The following PIP5K1B variants were observed in gnomAD, a reference collection of about 807,000 sequenced individuals.
PIP5K1B encodes the protein phosphatidylinositol-4-phosphate 5-kinase type 1 beta, also known as phosphatidylinositol 4-phosphate 5-kinase type-1 beta.
A neutral mutation model predicts 67.0 loss-of-function variants in PIP5K1B; 42 were observed. The ratio of observed to expected loss-of-function variants is 0.63; its 90% CI spans 0.49 to 0.81. PIP5K1B has a LOEUF of 0.81. PIP5K1B is among the 30% of genes least tolerant of loss of function. The pLI is 0.00. For missense variants in PIP5K1B, 459 were observed against 646.3 expected (o/e 0.71, Z 3.14); for synonymous variants, 214 against 231.4 (o/e 0.92, Z 0.68).
intron 6 of PIP5K1B, among the ~76,000 whole-genome samples, chr9:68,880,255 T>G (rs974039232): frequency 6.6e-6 from 1 of 152,142 alleles, no homozygotes; most frequent in African/African-American, 2.4e-5. Flanking sequence ...TAAATATAAC[T>G]TAAAAGGTAG....
At chr9:68,790,775 A>G (rs1347241756) in intron 2 of PIP5K1B, among the ~76,000 whole-genome samples, 1 of 152,234 alleles carries the variant, frequency 6.6e-6, no homozygotes, top group African/African-American at 2.4e-5. Context: ...ATACCTATGT[A>G]GGTACTATAT....
intron 4 of PIP5K1B, among the ~76,000 whole-genome samples, chr9:68,823,615 C>T (rs1237946918): frequency 1.3e-5 from 2 of 152,202 alleles, no homozygotes; most frequent in African/African-American, 2.4e-5. Flanking sequence ...AATGTTCAAA[C>T]ACGTTACTGG....
Position 68,933,294 on chromosome 9 carries a change from A to C in PIP5K1B, c.1202-1596A>C, listed in dbSNP as rs186710326. On this transcript the variant is annotated intron_variant, in intron 12 of 15. Coordinates refer to ENST00000265382, the MANE Select transcript of PIP5K1B (RefSeq NM_003558.4). Reference sequence around the variant, plus strand: ...CCCAGAACTTAAAGAAAAATAAAATAAAATAAAATAAATAAAAGTTAGCAG... The same window carrying C: ...CCCAGAACTTAAAGAAAAATAAAATCAAATAAAATAAATAAAAGTTAGCAG... Among the ~76,000 whole-genome samples the C allele has an allele frequency of 2.9e-3, 441 of 151,796 alleles. 1 individual carries two copies. The highest frequency in any genetic ancestry group is 0.01 in the African/African-American group (422 of 41,470).
At chr9:68,709,147 G>C (rs763988674) in intron 1 of PIP5K1B, among the ~76,000 whole-genome samples, 9 of 152,206 alleles carry the variant, frequency 5.9e-5, no homozygotes, top group Non-Finnish European at 8.8e-5. Flanking sequence ...ATCATTATTA[G>C]AGAGTTAGTA....
chr9:68,894,447 C>T lies in PIP5K1B; in HGVS notation c.580C>T (p.Arg194Cys), dbSNP rs368631411. Residue 194 changes from arginine to cysteine, a missense_variant, in exon 8 of 16, where the codon CGC becomes TGC. Coordinates refer to ENST00000265382, the MANE Select transcript of PIP5K1B (RefSeq NM_003558.4). Reference protein sequence around the residue: ...RIVVMNNVLPRSMRMHFTYDL... With the variant: ...RIVVMNNVLPCSMRMHFTYDL... ...TGTGGTGATGAACAACGTTTTGCCA[C>T]GCTCCATGAGAATGCACTTTACATA... 23 of 1,613,854 alleles carry T rather than the reference C, an allele frequency of 1.4e-5. No individual in the cohort carries two copies. Among genetic ancestry groups the T allele is most frequent in the African/African-American group, 2.7e-5 (2 of 74,882 alleles).
chr9:68,747,589 A>C (rs1170142895), intron 2 of PIP5K1B, among the ~76,000 whole-genome samples: 1 of 152,050 alleles, frequency 6.6e-6, no homozygotes, highest in Non-Finnish European at 1.5e-5. Flanking sequence ...TTGGAGGTAA[A>C]ATTTTTATTC....
intron 15 of PIP5K1B, among the ~76,000 whole-genome samples, chr9:69,006,419 G>A (rs928390533): frequency 5.9e-5 from 9 of 151,962 alleles, no homozygotes; most frequent in African/African-American, 2.2e-4. Context: ...ACAACTCTAC[G>A]CCCTTCACAC....
At chr9:68,883,561 C>G (rs1824305120) in intron 6 of PIP5K1B, among the ~76,000 whole-genome samples, 1 of 152,104 alleles carries the variant, frequency 6.6e-6, no homozygotes, top group African/African-American at 2.4e-5. Context: ...TAGAAGCTAC[C>G]TTTTAATCAT....
At chr9:68,996,489 GT>G (rs941336633) in intron 15 of PIP5K1B, among the ~76,000 whole-genome samples, 1 of 152,178 alleles carries the variant, frequency 6.6e-6, no homozygotes, top group African/African-American at 2.4e-5. Flanking sequence ...TGAATTTTGA[GT>G]TGATGACACA....
intron 4 of PIP5K1B, among the ~76,000 whole-genome samples, chr9:68,831,562 T>G (rs1473965167): frequency 6.6e-6 from 1 of 152,218 alleles, no homozygotes; most frequent in Non-Finnish European, 1.5e-5. Flanking sequence ...TGCTGTGGTG[T>G]CTGGAGGGCA....
intron 6 of PIP5K1B, 115 bp from the exon 7 acceptor site, chr9:68,888,866 G>A (rs193185068): frequency 9.8e-5 from 67 of 685,210 alleles, no homozygotes; most frequent in East Asian, 7.9e-4. Flanking sequence ...TTTAAAGCCC[G>A]TAGAGAGGCT....
At chr9:68,911,954 G>A (rs1216627309) in intron 8 of PIP5K1B, among the ~76,000 whole-genome samples, 1 of 152,166 alleles carries the variant, frequency 6.6e-6, no homozygotes, top group Non-Finnish European at 1.5e-5. Flanking sequence ...CTGCAGCTTA[G>A]GAATGAAGTC....
chr9:68,937,192 CTCT>C (rs1827308928), intron 13 of PIP5K1B, among the ~76,000 whole-genome samples: 1 of 152,196 alleles, frequency 6.6e-6, no homozygotes, highest in Non-Finnish European at 1.5e-5. Context: ...ATGGTATCAG[CTCT>C]TCTTTGTACC....
chr9:68,868,163 A>G (rs918188710), intron 5 of PIP5K1B, among the ~76,000 whole-genome samples: 2 of 152,198 alleles, frequency 1.3e-5, no homozygotes, highest in Non-Finnish European at 1.5e-5. Flanking sequence ...TAAGAAAATC[A>G]TGATCATATC....
intron 14 of PIP5K1B, among the ~76,000 whole-genome samples, chr9:68,967,058 GAATTTT>G (rs1829078200): frequency 1.3e-5 from 2 of 152,122 alleles, no homozygotes; most frequent in Admixed American, 1.3e-4. Flanking sequence ...GTACAATTTT[GAATTTT>G]ATAGTTCAAA....
At chr9:68,992,973 A>C (rs1211549541) in intron 15 of PIP5K1B, among the ~76,000 whole-genome samples, 1 of 151,722 alleles carries the variant, frequency 6.6e-6, no homozygotes, top group African/African-American at 2.4e-5. Context: ...CCTGGCTAAC[A>C]CGGTGAAACC....
intron 2 of PIP5K1B, among the ~76,000 whole-genome samples, chr9:68,778,123 G>A (rs990835660): frequency 3.9e-5 from 6 of 152,102 alleles, no homozygotes; most frequent in Non-Finnish European, 8.8e-5. Flanking sequence ...TTTAATCCAT[G>A]TGAAATTCAG....
chr9:68,833,290 T>C (rs1198521659), intron 4 of PIP5K1B, among the ~76,000 whole-genome samples: 1 of 152,190 alleles, frequency 6.6e-6, no homozygotes, highest in Non-Finnish European at 1.5e-5. Flanking sequence ...ATCGCGAGTG[T>C]GTGAAGGAGG....
At chr9:68,724,171 G>A (rs918295083) in intron 1 of PIP5K1B, among the ~76,000 whole-genome samples, 8 of 151,322 alleles carry the variant, frequency 5.3e-5, no homozygotes, top group Non-Finnish European at 1.2e-4. Context: ...GTTGAAAATG[G>A]GTTGGCTGCA....
Sources: gnomAD v4.1 joint callset for allele counts (sites outside exome capture counted in the v4.1 genomes callset) on GRCh38, gnomAD v4.1.1 for gene constraint, MANE v1.5 for transcripts, NCBI Gene and HGNC (gene_info 2026-07-23, HGNC 2026-07-21) for gene names.